GPHN: variants seen among roughly 807,000 people sequenced by gnomAD.
GPHN encodes gephyrin.
A neutral mutation model predicts 95.5 loss-of-function variants in GPHN; 17 were observed. The ratio of observed to expected loss-of-function variants is 0.18; its 90% CI spans 0.12 to 0.27. The LOEUF is 0.27. Ranked by LOEUF, GPHN falls within the 10% of genes least tolerant of loss-of-function variation. GPHN has a pLI of 1.00. For missense variants in GPHN, 660 were observed against 978.1 expected (o/e 0.67, Z 4.34); for synonymous variants, 320 against 322.5 (o/e 0.99, Z 0.08).
intron 5 of GPHN, among the ~76,000 whole-genome samples, chr14:66,913,036 A>G (rs1300721533): frequency 1.3e-5 from 2 of 152,158 alleles, no homozygotes; most frequent in Non-Finnish European, 2.9e-5. Context: ...ATAGTTTTTT[A>G]TCCAATATAT....
the GPHN span, among the ~76,000 whole-genome samples, chr14:67,230,923 TGA>T: frequency 6.6e-5 from 10 of 152,354 alleles, no homozygotes; most frequent in Admixed American, 5.9e-4. Flanking sequence ...AGTAGCATGA[TGA>T]AATCTCACAC....
intron 2 of GPHN, among the ~76,000 whole-genome samples, chr14:66,682,740 G>C (rs967145447): frequency 1.3e-5 from 2 of 151,736 alleles, no homozygotes; most frequent in Non-Finnish European, 2.9e-5. Context: ...ACAGAGCGAG[G>C]CTCCATCTCA....
chr14:67,571,845 C>T, the GPHN span: 7 of 1,613,838 alleles, frequency 4.3e-6, no homozygotes, highest in Non-Finnish European at 5.9e-6. Flanking sequence ...AATCTCGGTC[C>T]CCTCCTCTGA....
chr14:67,587,332 C>T, the GPHN span: 2 of 1,329,578 alleles, frequency 1.5e-6, no homozygotes, highest in East Asian at 2.3e-5. Context: ...TCTAACAGCC[C>T]CCGGCTACTC....
At chr14:67,015,530 C>T (rs2073257671) in intron 9 of GPHN, among the ~76,000 whole-genome samples, 1 of 152,014 alleles carries the variant, frequency 6.6e-6, no homozygotes, top group African/African-American at 2.4e-5. Flanking sequence ...TACCTCATCT[C>T]TACTAAAAAT....
At chr14:67,500,153 G>T in the GPHN span, among the ~76,000 whole-genome samples, 1 of 152,030 alleles carries the variant, frequency 6.6e-6, no homozygotes, top group Admixed American at 6.6e-5. Flanking sequence ...AACAGAGTGA[G>T]ACCCTGTCTC....
At chr14:67,697,681 G>A in the GPHN span, among the ~76,000 whole-genome samples, 1 of 150,540 alleles carries the variant, frequency 6.6e-6, no homozygotes, top group African/African-American at 2.4e-5. Flanking sequence ...ACTGAAGCAG[G>A]TGGTGTTCCA....
intron 1 of GPHN, among the ~76,000 whole-genome samples, chr14:66,612,524 TC>T (rs2062826750): frequency 6.6e-6 from 1 of 152,118 alleles, no homozygotes; most frequent in South Asian, 2.1e-4. Context: ...CATTCTTGTT[TC>T]GTTTTTGCAT....
chr14:67,175,969 G>A (rs1003500549), intron 21 of GPHN, among the ~76,000 whole-genome samples: 6 of 152,106 alleles, frequency 3.9e-5, no homozygotes, highest in South Asian at 4.1e-4. Context: ...GCTTAAGGAG[G>A]TTTTGGGCTG....
the GPHN span, chr14:67,393,078 A>G: frequency 8.2e-7 from 1 of 1,217,640 alleles, no homozygotes; most frequent in Non-Finnish European, 1.2e-6. Flanking sequence ...AGGGCGGTCA[A>G]GCACACAGCT....
the GPHN span, among the ~76,000 whole-genome samples, chr14:67,325,589 T>C: frequency 6.6e-6 from 1 of 152,150 alleles, no homozygotes; most frequent in African/African-American, 2.4e-5. Context: ...GTGTAAAATT[T>C]AGTGTCCAAT....
In GPHN at chr14:67,063,342, G is replaced by A. The variant is rs2075900459; in HGVS notation, c.1144+4556G>A. 5.9e-5 allele frequency among the ~76,000 whole-genome samples: 9 copies of A among 152,204 alleles called. No homozygotes were observed. In the South Asian group the frequency reaches 1.7e-3, roughly 28 times the overall value. ...CTGTTTTGGTTACTGTAGCCTTGTAGTGTAGTTTGAAGTCTGGTAGTGTGA... is the reference window on the plus strand; with the variant it reads ...CTGTTTTGGTTACTGTAGCCTTGTAATGTAGTTTGAAGTCTGGTAGTGTGA... On this transcript the variant is annotated intron_variant, in intron 11 of 22. Coordinates refer to ENST00000478722, the MANE Select transcript of GPHN (RefSeq NM_020806.5).
intron 2 of GPHN, among the ~76,000 whole-genome samples, chr14:66,764,112 A>G (rs748705804): frequency 3.9e-5 from 6 of 152,212 alleles, no homozygotes; most frequent in Non-Finnish European, 5.9e-5. Context: ...TAACGTGCAC[A>G]ATAAATGTAA....
chr14:67,203,156 CTG>C, the GPHN span: 11 of 1,614,002 alleles, frequency 6.8e-6, no homozygotes, highest in Middle Eastern at 3.3e-4. Context: ...CCGTAGGCAT[CTG>C]TTTTTCCAGC....
At chr14:67,112,549 T>C (rs1404027670) in intron 15 of GPHN, among the ~76,000 whole-genome samples, 2 of 152,200 alleles carry the variant, frequency 1.3e-5, no homozygotes, top group African/African-American at 4.8e-5. Flanking sequence ...AAGTGGTCCA[T>C]ATGGAAATTA....
chr14:67,583,141 A>G, the GPHN span, among the ~76,000 whole-genome samples: 1 of 152,198 alleles, frequency 6.6e-6, no homozygotes, highest in Non-Finnish European at 1.5e-5. Flanking sequence ...AAGAATAAGA[A>G]TCTGGATTTA....
At chr14:67,080,346 C>A (rs2076642331) in intron 11 of GPHN, among the ~76,000 whole-genome samples, 1 of 151,154 alleles carries the variant, frequency 6.6e-6, no homozygotes, top group South Asian at 2.1e-4. Context: ...ATTATTTTCT[C>A]TCATTTCATA....
chr14:66,837,436 G>T (rs1280222325), intron 4 of GPHN, among the ~76,000 whole-genome samples: 5 of 111,450 alleles, frequency 4.5e-5, no homozygotes, highest in Non-Finnish European at 6.9e-5. Context: ...ACACTCTGGG[G>T]ACTGTTGTGG....
At chr14:67,127,383 A>T (rs1263297972) in intron 17 of GPHN, among the ~76,000 whole-genome samples, 1 of 151,958 alleles carries the variant, frequency 6.6e-6, no homozygotes, top group African/African-American at 2.4e-5. Context: ...GACATAAAAA[A>T]CAATTATTTT....
Sources: gnomAD v4.1 joint callset for allele counts (sites outside exome capture counted in the v4.1 genomes callset) on GRCh38, gnomAD v4.1.1 for gene constraint, MANE v1.5 for transcripts, NCBI Gene and HGNC (gene_info 2026-07-23, HGNC 2026-07-21) for gene names.